The following ZPBP variants were observed in gnomAD, a reference collection of about 807,000 sequenced individuals.
ZPBP encodes the protein zona pellucida-binding protein 1.
ZPBP carries 26 observed loss-of-function variants against 44.8 expected under a neutral mutation model. That is an observed-to-expected ratio of 0.58 (90% CI 0.43 to 0.81). The LOEUF is 0.81. Among genes scored for constraint, ZPBP ranks in the 30% least tolerant of loss-of-function variants. The pLI is 0.00. For synonymous variants in ZPBP, 174 were observed against 153.2 expected, an observed-to-expected ratio of 1.14 and a Z score of -1.00; for missense variants, 409 against 434.0, an observed-to-expected ratio of 0.94 and a Z score of 0.51.
chr7:49,903,822 AAGAG>A, intron 1 of ZPBP, among the ~76,000 whole-genome samples: 1 of 152,288 alleles, frequency 6.6e-6, no homozygotes. Flanking sequence ...AGGCAGAAGA[AAGAG>A]AAAGAACAGC....
chr7:50,001,409 CCTT>C (rs1193211441), intron 6 of ZPBP, among the ~76,000 whole-genome samples: 2 of 152,100 alleles, frequency 1.3e-5, no homozygotes, highest in Non-Finnish European at 2.9e-5. Flanking sequence ...AACATCTTTT[CCTT>C]CTTCTTTGCA....
At chr7:49,861,932 T>A (rs1790666383) in intron 2 of ZPBP, among the ~76,000 whole-genome samples, 2 of 152,222 alleles carry the variant, frequency 1.3e-5, no homozygotes, top group South Asian at 4.1e-4. Flanking sequence ...GTATTTTGAC[T>A]TTTTTAAAGA....
At chr7:49,876,748 AC>A (rs1234111318) in intron 2 of ZPBP, among the ~76,000 whole-genome samples, 2 of 152,094 alleles carry the variant, frequency 1.3e-5, no homozygotes, top group African/African-American at 4.8e-5. Context: ...ACCTGTCAAC[AC>A]AGTTTTATTT....
In ZPBP at chr7:50,023,887, G is replaced by T. The variant is rs546361548; in HGVS notation, c.707-5571C>A. Among the ~76,000 whole-genome samples the T allele has an allele frequency of 2.6e-5, 4 of 152,034 alleles. No individual in the cohort carries two copies. The East Asian group carries it at 7.7e-4, about 29-fold the overall frequency. On this transcript the variant is annotated intron_variant, in intron 5 of 7. Coordinates refer to ENST00000046087, the MANE Select transcript of ZPBP (RefSeq NM_007009.3). ...AATGCCTTTGATGAGCCCATCAGTGGGGCTGGGGGAAAGAATTAAATAGAT... is the reference window on the plus strand; with the variant it reads ...AATGCCTTTGATGAGCCCATCAGTGTGGCTGGGGGAAAGAATTAAATAGAT...
intron 3 of ZPBP, among the ~76,000 whole-genome samples, chr7:50,075,681 C>A (rs117155175): frequency 2.0e-5 from 3 of 151,894 alleles, no homozygotes; most frequent in Admixed American, 6.6e-5. Context: ...TAGATACATA[C>A]AACCTACCAA....
chr7:50,078,713 G>C (rs1195298094), intron 3 of ZPBP, among the ~76,000 whole-genome samples: 1 of 151,434 alleles, frequency 6.6e-6, no homozygotes, highest in Non-Finnish European at 1.5e-5. Flanking sequence ...ACAGACAAGT[G>C]GAAACTAATT....
At chr7:49,919,129 G>C (rs1229096935) in intron 1 of ZPBP, 1 of 151,806 alleles carries the variant, frequency 6.6e-6, no homozygotes, top group African/African-American at 2.4e-5. Context: ...ATGGGGCACA[G>C]TCAGGACTGG....
intron 4 of ZPBP, among the ~76,000 whole-genome samples, chr7:50,054,759 G>C (rs777824101): frequency 6.6e-6 from 1 of 151,988 alleles, no homozygotes; most frequent in East Asian, 1.9e-4. Context: ...TAGAATATGA[G>C]ATTAATAAGC....
chr7:50,017,633 C>T (rs371417588), intron 6 of ZPBP, among the ~76,000 whole-genome samples: 16 of 152,134 alleles, frequency 1.1e-4, no homozygotes, highest in African/African-American at 2.9e-4. Context: ...AGTAGAAACA[C>T]TTTACAACCA....
chr7:49,941,810 T>C (rs1240285886), intron 7 of ZPBP, among the ~76,000 whole-genome samples: 3 of 151,878 alleles, frequency 2.0e-5, no homozygotes, highest in African/African-American at 4.8e-5. Flanking sequence ...AGCCAAAATA[T>C]TGAAAAAGAA....
chr7:49,954,954 A>G (rs1795513196), intron 7 of ZPBP, among the ~76,000 whole-genome samples: 1 of 152,222 alleles, frequency 6.6e-6, no homozygotes, highest in Non-Finnish European at 1.5e-5. Flanking sequence ...CTTCATAACA[A>G]CTGAAAGGAC....
At chr7:50,051,164 GCAAA>G (rs1034287476) in intron 4 of ZPBP, among the ~76,000 whole-genome samples, 17 of 151,906 alleles carry the variant, frequency 1.1e-4, no homozygotes, top group African/African-American at 4.1e-4. Context: ...TATTCATGGG[GCAAA>G]CAAACATGAA....
At chr7:50,007,929 G>C (rs1798385125) in intron 6 of ZPBP, among the ~76,000 whole-genome samples, 1 of 151,964 alleles carries the variant, frequency 6.6e-6, no homozygotes. Flanking sequence ...AATATTGAAA[G>C]ACTGAAAGCT....
chr7:49,942,310 G>T, intron 7 of ZPBP: 2 of 229,150 alleles, frequency 8.7e-6, no homozygotes, highest in South Asian at 6.7e-5. Context: ...TCTTCTTTTT[G>T]TTCCCGCTTG....
In ZPBP at chr7:50,085,217, CCAAAGA is replaced by C. The variant is rs1802576924; in HGVS notation, c.209-3324_209-3319del. Reference sequence around the variant, plus strand: ...TAGGGAAAAGATGGCAATCTAAAAGCCAAAGACAAATATCTGGAACAGATTCTTTCT... The same window carrying C: ...TAGGGAAAAGATGGCAATCTAAAAGCCAAATATCTGGAACAGATTCTTTCT... On this transcript the variant is annotated intron_variant, in intron 2 of 7. Transcript: ENST00000046087. Among the ~76,000 whole-genome samples, 3 of 152,128 alleles carry C rather than the reference CCAAAGA, an allele frequency of 2.0e-5. No homozygotes were observed. The South Asian group carries it at 6.2e-4, about 32-fold the overall frequency.
intron 7 of ZPBP, among the ~76,000 whole-genome samples, chr7:49,981,007 T>A (rs1232047851): frequency 1.1e-4 from 17 of 151,304 alleles, no homozygotes; most frequent in African/African-American, 3.9e-4. Flanking sequence ...TTGTGTTTTG[T>A]TATTTAAATA....
At chr7:49,926,896 C>T (rs995661036) in intron 1 of ZPBP, among the ~76,000 whole-genome samples, 13 of 152,142 alleles carry the variant, frequency 8.5e-5, no homozygotes, top group East Asian at 3.9e-4. Context: ...CCATAGCGGC[C>T]GCAGGAAATT....
intron 4 of ZPBP, among the ~76,000 whole-genome samples, chr7:50,041,234 C>T (rs1800080400): frequency 6.6e-6 from 1 of 152,344 alleles, no homozygotes; most frequent in South Asian, 2.1e-4. Context: ...GGTGCAGCTT[C>T]AGCAGGCTTA....
At chr7:49,857,593 C>T (rs552250424) in intron 2 of ZPBP, among the ~76,000 whole-genome samples, 9 of 151,884 alleles carry the variant, frequency 5.9e-5, no homozygotes, top group South Asian at 4.2e-4. Flanking sequence ...TTAAAACCTC[C>T]GTGAGACATT....
Sources: gnomAD v4.1 joint callset for allele counts (sites outside exome capture counted in the v4.1 genomes callset) on GRCh38, gnomAD v4.1.1 for gene constraint, MANE v1.5 for transcripts, NCBI Gene and HGNC (gene_info 2026-07-23, HGNC 2026-07-21) for gene names.